Variants in CNTN5 observed in about 807,000 individuals in gnomAD.
The protein encoded by CNTN5 is contactin 5, also known as contactin-5.
Under a neutral mutation model 129.1 loss-of-function variants are expected in CNTN5, and 77 were observed. The observed-to-expected ratio is 0.60, with a 90% confidence interval of 0.50 to 0.72. CNTN5 has a LOEUF of 0.72. Among genes scored for constraint, CNTN5 ranks in the 30% least tolerant of loss-of-function variants. The pLI is 0.00. For missense variants in CNTN5, 1,478 were observed against 1,328.8 expected (o/e 1.11, Z -1.75); for synonymous variants, 509 against 465.6 (o/e 1.09, Z -1.20).
intron 8 of CNTN5, among the ~76,000 whole-genome samples, chr11:99,974,072 C>T (rs574534986): frequency 3.9e-5 from 6 of 152,322 alleles, no homozygotes; most frequent in Admixed American, 3.3e-4. Context: ...GGAGAGATAG[C>T]AAGCTGCCTA....
intron 9 of CNTN5, among the ~76,000 whole-genome samples, chr11:100,029,653 A>G (rs1023341839): frequency 3.3e-5 from 5 of 152,128 alleles, no homozygotes; most frequent in African/African-American, 1.2e-4. Context: ...CTGAAAGGTA[A>G]ATTTGAGTCT....
At chr11:99,946,732 A>G (rs370007030) in intron 7 of CNTN5, among the ~76,000 whole-genome samples, 3 of 151,990 alleles carry the variant, frequency 2.0e-5, no homozygotes, top group East Asian at 3.9e-4. Flanking sequence ...TGGCCACTCA[A>G]TTACTTTAAA....
rs1422946537 is a variant in CNTN5 at position 100,158,618 on chromosome 11, C to G, written c.1581-32508C>G. 4.0e-5 allele frequency among the ~76,000 whole-genome samples: 6 copies of G among 151,664 alleles called. No homozygotes were observed. The Admixed American group carries it at 4.0e-4, about 10-fold the overall frequency. Reference sequence around the variant, plus strand: ...CAACTTTATTAGTATTAGAGAAATGCAAATTTTTAAAAATACATTGTGTGA... The same window carrying G: ...CAACTTTATTAGTATTAGAGAAATGGAAATTTTTAAAAATACATTGTGTGA... On this transcript the variant is annotated intron_variant, in intron 13 of 24. Transcript: ENST00000524871.
intron 1 of CNTN5, among the ~76,000 whole-genome samples, chr11:99,024,280 T>A (rs1318460885): frequency 6.6e-6 from 1 of 152,194 alleles, no homozygotes; most frequent in East Asian, 1.9e-4. Flanking sequence ...AAACTGAATA[T>A]TATTAGTTTA....
chr11:100,282,616 G>T (rs1293263803), intron 18 of CNTN5, among the ~76,000 whole-genome samples: 1 of 152,186 alleles, frequency 6.6e-6, no homozygotes, highest in Non-Finnish European at 1.5e-5. Context: ...AAGGCCCTGG[G>T]GCTCTACAAT....
intron 2 of CNTN5, among the ~76,000 whole-genome samples, chr11:99,341,136 A>G (rs1866494244): frequency 6.6e-6 from 1 of 152,160 alleles, no homozygotes; most frequent in Non-Finnish European, 1.5e-5. Flanking sequence ...ATTCAATACC[A>G]TCTTGTAACT....
chr11:99,816,899 C>G (rs1220106444), intron 3 of CNTN5, among the ~76,000 whole-genome samples: 1 of 152,138 alleles, frequency 6.6e-6, no homozygotes, highest in East Asian at 1.9e-4. Context: ...ATATTTTCTT[C>G]CCTGTCTAGA....
At chr11:100,195,271 A>AAAT (rs1193604915) in intron 15 of CNTN5, among the ~76,000 whole-genome samples, 2 of 152,030 alleles carry the variant, frequency 1.3e-5, no homozygotes, top group African/African-American at 4.8e-5. Flanking sequence ...ATCTAAAAAT[A>AAAT]AATAGCCCCT....
intron 1 of CNTN5, among the ~76,000 whole-genome samples, chr11:99,287,947 C>T (rs1040052645): frequency 7.2e-5 from 11 of 151,828 alleles, no homozygotes; most frequent in Admixed American, 1.3e-4. Context: ...GTTCCAATTG[C>T]GACAATCAAA....
At chr11:99,856,089 T>G (rs914912957) in intron 6 of CNTN5, among the ~76,000 whole-genome samples, 5 of 152,176 alleles carry the variant, frequency 3.3e-5, no homozygotes, top group Non-Finnish European at 7.3e-5. Context: ...ACTAATTACC[T>G]ACGTGTTGTG....
chr11:99,908,464 A>T (rs1949569339), intron 6 of CNTN5, among the ~76,000 whole-genome samples: 1 of 151,990 alleles, frequency 6.6e-6, no homozygotes, highest in Non-Finnish European at 1.5e-5. Context: ...TTTAATGCTT[A>T]GCTTTAAAAT....
intron 2 of CNTN5, among the ~76,000 whole-genome samples, chr11:99,349,516 C>T (rs1248719850): frequency 2.0e-5 from 3 of 152,090 alleles, no homozygotes; most frequent in Non-Finnish European, 1.5e-5. Context: ...GTACACACAA[C>T]ATGTTTGGGC....
chr11:100,015,654 T>C (rs2137540710), intron 9 of CNTN5, among the ~76,000 whole-genome samples: 1 of 152,260 alleles, frequency 6.6e-6, no homozygotes, highest in South Asian at 2.1e-4. Context: ...AAAACTAATT[T>C]TATTGTTGTG....
chr11:99,945,121 C>G (rs535663646), intron 7 of CNTN5, among the ~76,000 whole-genome samples: 31 of 152,146 alleles, frequency 2.0e-4, no homozygotes, highest in African/African-American at 6.7e-4. Context: ...ACCAGACTAT[C>G]ATAGATTTTA....
intron 1 of CNTN5, among the ~76,000 whole-genome samples, chr11:99,209,551 A>G (rs975996853): frequency 5.9e-5 from 9 of 152,166 alleles, no homozygotes; most frequent in African/African-American, 2.2e-4. Context: ...ATCCGCCGCC[A>G]TGATCCAGTA....
At chr11:100,039,986 A>T (rs1319263046) in intron 9 of CNTN5, among the ~76,000 whole-genome samples, 1 of 152,150 alleles carries the variant, frequency 6.6e-6, no homozygotes, top group Non-Finnish European at 1.5e-5. Flanking sequence ...GTCATTCTCC[A>T]TCCAGCTTTG....
At chr11:99,843,837 C>A (rs1188888205) in intron 4 of CNTN5, among the ~76,000 whole-genome samples, 1 of 152,102 alleles carries the variant, frequency 6.6e-6, no homozygotes, top group Non-Finnish European at 1.5e-5. Flanking sequence ...TGATCAAATT[C>A]ATGATCAATG....
At chr11:99,080,816 G>A (rs1441244583) in intron 1 of CNTN5, among the ~76,000 whole-genome samples, 2 of 152,134 alleles carry the variant, frequency 1.3e-5, no homozygotes, top group Non-Finnish European at 2.9e-5. Flanking sequence ...GTGTTTTGAG[G>A]ACGATTAAAT....
rs117766387 is a variant in CNTN5 at position 99,327,769 on chromosome 11, T to C, written c.-71+2285T>C. 2.0e-5 allele frequency among the ~76,000 whole-genome samples: 3 copies of C among 152,178 alleles called. 1 individual carries two copies. The South Asian group carries it at 6.2e-4, about 31-fold the overall frequency. On this transcript the variant is annotated intron_variant, in intron 2 of 24. Transcript: ENST00000524871. ...AAACATTCAGCGGCAAAACTGACAG[T>C]TTCATCTTGACACAACCAACTCAGT...
Sources: allele counts gnomAD v4.1 joint callset (sites outside exome capture counted in the v4.1 genomes callset), GRCh38; gene constraint gnomAD v4.1.1; transcripts MANE v1.5; gene names NCBI Gene and HGNC (gene_info 2026-07-23, HGNC 2026-07-21).